The following SUN1 variants were observed in gnomAD, a reference collection of about 807,000 sequenced individuals.
SUN1 encodes the protein Sad1 and UNC84 domain containing 1.
SUN1 carries 61 observed loss-of-function variants against 103.2 expected under a neutral mutation model. The ratio of observed to expected loss-of-function variants is 0.59; its 90% CI spans 0.48 to 0.73. The LOEUF (loss-of-function observed/expected upper bound fraction) is 0.73, where lower values mean the gene tolerates loss of function less well. Among genes scored for constraint, SUN1 ranks in the 30% least tolerant of loss-of-function variants. The pLI is 0.00. For synonymous variants in SUN1, 490 were observed against 425.7 expected (o/e 1.15, Z -1.86); for missense variants, 1,052 against 1,034.6 (o/e 1.02, Z -0.23).
chr7:851,290 G>A lies in SUN1; in HGVS notation c.659-94G>A. 6 of 1,071,618 alleles carry A rather than the reference G, an allele frequency of 5.6e-6. 1 individual carries two copies. In the South Asian group the frequency reaches 5.6e-5, roughly 10 times the overall value. 66.4% of individuals were successfully genotyped at this position (1,071,618 alleles called of 1,614,324 possible). On this transcript the variant is annotated intron_variant, in intron 5 of 18. Transcript: ENST00000401592. Reference sequence around the variant, plus strand: ...TCTTGACCCACCGATGCAGGCTTTGGTGAAGTGTGTGGCTTGGGCGTCCCC... The same window carrying A: ...TCTTGACCCACCGATGCAGGCTTTGATGAAGTGTGTGGCTTGGGCGTCCCC...
At chr7:868,247 G>A (rs953754581) in intron 16 of SUN1, among the ~76,000 whole-genome samples, 37 of 152,246 alleles carry the variant, frequency 2.4e-4, no homozygotes, top group African/African-American at 8.2e-4. Context: ...TGGGCGCAGC[G>A]TCTGCAACTT....
intron 15 of SUN1, among the ~76,000 whole-genome samples, 185 bp downstream of exon 15, chr7:861,649 G>C (rs1314293853): frequency 3.3e-5 from 5 of 152,348 alleles, no homozygotes; most frequent in African/African-American, 1.2e-4. Context: ...TTGTGTTTGG[G>C]GGGCACAAGT....
At chr7:837,007 A>G (rs1476923134) in intron 1 of SUN1, among the ~76,000 whole-genome samples, 3 of 152,216 alleles carry the variant, frequency 2.0e-5, no homozygotes, top group Admixed American at 1.3e-4. Context: ...CCCCCGACGC[A>G]TGGATGGCCT....
At chr7:859,147 C>A (rs1321912412) in intron 13 of SUN1, among the ~76,000 whole-genome samples, 1 of 145,580 alleles carries the variant, frequency 6.9e-6, no homozygotes, top group Non-Finnish European at 1.5e-5. Context: ...AGCAAGACTC[C>A]GTCTCAAAAA....
intron 1 of SUN1, chr7:817,256 GGCTGATA>G: frequency 1.5e-6 from 1 of 677,804 alleles, no homozygotes; most frequent in Non-Finnish European, 2.6e-6. Context: ...CACCGCGCCC[GGCTGATA>G]GTCGTATTTT....
At chr7:840,693 G>A (rs1311827416) in intron 2 of SUN1, among the ~76,000 whole-genome samples, 1 of 148,308 alleles carries the variant, frequency 6.7e-6, no homozygotes, top group African/African-American at 2.5e-5. Context: ...CCAGGCTGGA[G>A]TGCAGTGGTG....
intron 5 of SUN1, chr7:848,695 G>C: frequency 9.3e-7 from 1 of 1,073,570 alleles, no homozygotes; most frequent in Non-Finnish European, 1.2e-6. Context: ...TCCTCGCCAG[G>C]CGCCTCCCTC....
upstream of SUN1, chr7:832,441 G>A: frequency 7.1e-7 from 1 of 1,411,156 alleles, no homozygotes; most frequent in Non-Finnish European, 9.8e-7. Flanking sequence ...GGTTGACTGA[G>A]ACAGGAATGC....
In SUN1 at chr7:848,419, C is replaced by T. The variant is rs368322267; in HGVS notation, c.659-2965C>T. 9.0e-5 allele frequency: 122 copies of T among 1,355,654 alleles called. No individual in the cohort carries two copies. The African/African-American group carries it at 1.3e-3, about 15-fold the overall frequency. The allele number at this position is 1,355,654 out of a possible 1,614,324, so 84.0% of individuals were successfully genotyped here. A position where few individuals can be genotyped will look rare whatever the true frequency, so the allele number is the denominator to read the frequency against. On this transcript the variant is annotated intron_variant, in intron 5 of 18. Transcript: ENST00000401592. ...CGCATGTTCATGGTTTTTTAATAGG[C>T]GGTGCGTCTTTCTACGTGAATAGGA... is the stretch of plus-strand genomic sequence containing the variant.
chr7:822,830 G>A (rs781094852), intron 1 of SUN1, among the ~76,000 whole-genome samples: 1 of 152,236 alleles, frequency 6.6e-6, no homozygotes, highest in Non-Finnish European at 1.5e-5. Context: ...AACATGCCGG[G>A]AGGAAGAATG....
Position 852,129 on chromosome 7 carries a change from G to T in SUN1, c.851+86G>T, listed in dbSNP as rs886322300. The T allele has an allele frequency of 8.0e-6, 10 of 1,244,674 alleles. No individual in the cohort carries two copies. The African/African-American group carries it at 1.1e-4, about 13-fold the overall frequency. The allele number at this position is 1,244,674 out of a possible 1,614,324, so 77.1% of individuals were successfully genotyped here. A position where few individuals can be genotyped will look rare whatever the true frequency, so the allele number is the denominator to read the frequency against. On this transcript the variant is annotated intron_variant, in intron 7 of 18. Coordinates refer to ENST00000401592, the MANE Select transcript of SUN1 (RefSeq NM_001130965.3). ...AGGCTCTCATTTGATTTGTTATTTT[G>T]TAAGGATTTAGCTTATATTTACATA...
At chr7:848,331 A>G in intron 5 of SUN1, 1 of 1,178,326 alleles carries the variant, frequency 8.5e-7, no homozygotes, top group Non-Finnish European at 1.1e-6. Flanking sequence ...AAAGTGCCTG[A>G]AATGAATAAT....
At chr7:865,268 C>T (rs538931375) in intron 15 of SUN1, among the ~76,000 whole-genome samples, 32 of 152,042 alleles carry the variant, frequency 2.1e-4, no homozygotes, top group East Asian at 7.8e-4. Context: ...CCACCATGCC[C>T]GGCTAATTTG....
intron 8 of SUN1, 29 bp from the exon 9 acceptor site, chr7:852,779 CTG>C (rs751336709): frequency 5.6e-6 from 9 of 1,609,990 alleles, no homozygotes; most frequent in South Asian, 1.1e-5. Context: ...CGTGGTGTAC[CTG>C]TGTGTGTGTG....
intron 16 of SUN1, among the ~76,000 whole-genome samples, chr7:867,363 C>A (rs1345242379): frequency 6.6e-6 from 1 of 152,274 alleles, no homozygotes; most frequent in Non-Finnish European, 1.5e-5. Flanking sequence ...TGTCACCTGG[C>A]AGGGCCAACA....
chr7:866,092 C>G, intron 16 of SUN1, 25 bp downstream of exon 16: 1 of 1,596,648 alleles, frequency 6.3e-7, no homozygotes, highest in South Asian at 1.1e-5. Context: ...GTGGCCGGAG[C>G]TGCTCCTCTT....
At chr7:859,584 G>T (rs1830557670) in intron 13 of SUN1, among the ~76,000 whole-genome samples, 1 of 152,186 alleles carries the variant, frequency 6.6e-6, no homozygotes. Flanking sequence ...ATGTGGGAGG[G>T]CAGCTGTGAT....
chr7:836,751 T>C (rs765972884), intron 1 of SUN1, among the ~76,000 whole-genome samples: 1 of 152,180 alleles, frequency 6.6e-6, no homozygotes, highest in Non-Finnish European at 1.5e-5. Flanking sequence ...CTCAGAATAA[T>C]GTTGGAGCAA....
rs1380858854 is a variant in SUN1 at position 871,470 on chromosome 7, G to C, written c.2149-1000G>C. 9.9e-5 allele frequency among the ~76,000 whole-genome samples: 15 copies of C among 151,408 alleles called. 1 individual carries two copies. Among genetic ancestry groups the C allele is most frequent in the African/African-American group, 3.6e-4 (15 of 41,242 alleles). On this transcript the variant is annotated intron_variant, in intron 17 of 18. Coordinates refer to ENST00000401592, the MANE Select transcript of SUN1 (RefSeq NM_001130965.3). ...TGGCACGATCTCAGTTCACTGCAAT[G>C]TCCGCCTCCCGGGTTCAAGCGATTC...
Sources: gnomAD v4.1 joint callset for allele counts (sites outside exome capture counted in the v4.1 genomes callset) on GRCh38, gnomAD v4.1.1 for gene constraint, MANE v1.5 for transcripts, NCBI Gene and HGNC (gene_info 2026-07-23, HGNC 2026-07-21) for gene names.